LRTM3: variants seen among roughly 807,000 people sequenced by gnomAD.
LRTM3 encodes leucine-rich repeat transmembrane protein 3.
chr13:102,734,546 G>A, the LRTM3 span: 7 of 1,551,250 alleles, frequency 4.5e-6, no homozygotes, highest in South Asian at 8.3e-5. Flanking sequence ...TGACTTCAAA[G>A]TTATATCTGT....
At chr13:102,745,289 C>A in the LRTM3 span, 2 of 1,550,706 alleles carry the variant, frequency 1.3e-6, no homozygotes, top group Non-Finnish European at 1.7e-6. Context: ...TTTAATGTCA[C>A]GTGAAGTAAT....
chr13:102,738,734 T>C, the LRTM3 span: 1 of 1,550,742 alleles, frequency 6.4e-7, no homozygotes, highest in South Asian at 1.2e-5. Flanking sequence ...TTCCTCTCCT[T>C]CTATTGTGCC....
At chr13:102,741,323 T>C in the LRTM3 span, 6 of 1,549,654 alleles carry the variant, frequency 3.9e-6, no homozygotes, top group Non-Finnish European at 4.4e-6. Flanking sequence ...GTGAAGAGGG[T>C]CCTTACTGAG....
At chr13:102,750,333 C>T in the LRTM3 span, 2 of 1,542,528 alleles carry the variant, frequency 1.3e-6, no homozygotes, top group East Asian at 2.4e-5. Context: ...AAGTTACATT[C>T]CTTTTCTTCA....
At chr13:102,744,913 C>T in the LRTM3 span, 1 of 1,550,620 alleles carries the variant, frequency 6.4e-7, no homozygotes, top group Admixed American at 2.0e-5. Flanking sequence ...TGTGCTGTTC[C>T]CCCATACATT....
At chr13:102,748,024 G>A in the LRTM3 span, 27 of 1,550,892 alleles carry the variant, frequency 1.7e-5, 1 homozygote, top group African/African-American at 1.1e-4. Flanking sequence ...TGTATTCTGC[G>A]TTCTGTGTTT....
chr13:102,748,786 T>A, the LRTM3 span: 10 of 1,550,442 alleles, frequency 6.4e-6, no homozygotes, highest in Non-Finnish European at 8.7e-6. Flanking sequence ...GTGCTTTTAG[T>A]TGAACAGTGT....
the LRTM3 span, chr13:102,730,504 T>G: frequency 6.4e-7 from 1 of 1,551,566 alleles, no homozygotes; most frequent in Non-Finnish European, 8.7e-7. Context: ...ATACATGATA[T>G]TGTTTGTTTT....
chr13:102,736,183 T>A, the LRTM3 span: 5 of 1,547,946 alleles, frequency 3.2e-6, no homozygotes, highest in Non-Finnish European at 3.5e-6. Context: ...AAGGAGAGAA[T>A]CTATGGTGAG....
the LRTM3 span, chr13:102,738,611 A>C: frequency 6.5e-7 from 1 of 1,550,052 alleles, no homozygotes; most frequent in Non-Finnish European, 8.7e-7. Context: ...GGCCTTTTTT[A>C]CACTGTTTGA....
the LRTM3 span, chr13:102,741,447 C>T: frequency 6.5e-7 from 1 of 1,550,026 alleles, no homozygotes; most frequent in Non-Finnish European, 8.7e-7. Context: ...AATTTCTGTC[C>T]TTTAGAACCT....
the LRTM3 span, chr13:102,736,317 T>C: frequency 1.3e-6 from 2 of 1,551,028 alleles, no homozygotes; most frequent in East Asian, 4.9e-5. Context: ...CTCAGAGGAC[T>C]GTGCTCAGTG....
the LRTM3 span, chr13:102,736,121 T>A: frequency 6.5e-6 from 10 of 1,541,292 alleles, no homozygotes; most frequent in Middle Eastern, 5.0e-4. Context: ...TTCATTTGAA[T>A]TTGCAAGTCT....
At chr13:102,756,684 A>C in the LRTM3 span, among the ~76,000 whole-genome samples, 1 of 112,996 alleles carries the variant, frequency 8.8e-6, no homozygotes, top group East Asian at 2.2e-4. Flanking sequence ...AAAAAAAAAA[A>C]AAAAAAAAAA....
chr13:102,749,345 A>G, the LRTM3 span: 38 of 1,551,256 alleles, frequency 2.4e-5, no homozygotes, highest in Non-Finnish European at 3.3e-5. Context: ...TGATGAAACA[A>G]TTTGTTGCTG....
the LRTM3 span, chr13:102,730,181 G>A: frequency 3.2e-6 from 5 of 1,550,648 alleles, no homozygotes; most frequent in Non-Finnish European, 4.4e-6. Context: ...ATGGGAACCT[G>A]AATCTTCACT....
chr13:102,750,037 A>G, the LRTM3 span: 8 of 1,550,048 alleles, frequency 5.2e-6, no homozygotes, highest in Non-Finnish European at 7.0e-6. Flanking sequence ...CAGTGAATCT[A>G]GATGCTGAAA....
chr13:102,743,395 A>G, the LRTM3 span: 1 of 1,550,582 alleles, frequency 6.4e-7, no homozygotes, highest in Non-Finnish European at 8.7e-7. Context: ...CCACATTTTC[A>G]CCTTGCCACA....
At chr13:102,745,413 T>C in the LRTM3 span, 4 of 1,550,680 alleles carry the variant, frequency 2.6e-6, no homozygotes, top group African/African-American at 4.1e-5. Flanking sequence ...TCAGGTGTCA[T>C]AGTCAGGAAA....
Sources: allele counts gnomAD v4.1 joint callset (sites outside exome capture counted in the v4.1 genomes callset), GRCh38; gene constraint gnomAD v4.1.1; transcripts MANE v1.5; gene names NCBI Gene and HGNC (gene_info 2026-07-23, HGNC 2026-07-21).